Variants in ZNF484 observed in about 807,000 individuals in gnomAD.
ZNF484 encodes the protein zinc finger protein 484.
In ZNF484, 11 loss-of-function variants were observed where a neutral mutation model predicts 12.9. That is an observed-to-expected ratio of 0.85 (90% CI 0.54 to 1.41). The LOEUF is 1.41. Ranked by LOEUF, ZNF484 falls within the 40% of genes most tolerant of loss-of-function variation. ZNF484 has a pLI of 0.00. For synonymous variants in ZNF484, 289 were observed against 334.1 expected (o/e 0.86, Z 1.47); for missense variants, 807 against 1,007.7 (o/e 0.80, Z 2.70).
intron 4 of ZNF484, among the ~76,000 whole-genome samples, chr9:92,849,301 TGA>T (rs1321838878): frequency 4.0e-5 from 6 of 151,494 alleles, no homozygotes; most frequent in African/African-American, 1.5e-4. Context: ...CACAGAGATA[TGA>T]GAGAGACTAT....
At chr9:92,853,440 G>T (rs1037355052) in intron 4 of ZNF484, among the ~76,000 whole-genome samples, 6 of 152,134 alleles carry the variant, frequency 3.9e-5, no homozygotes, top group African/African-American at 1.4e-4. Flanking sequence ...AAACAGTATT[G>T]GTCTTTCCCC....
intron 1 of ZNF484, 26 bp from the exon 2 acceptor site, chr9:92,875,085 C>T: frequency 6.2e-7 from 1 of 1,610,662 alleles, no homozygotes; most frequent in Non-Finnish European, 8.5e-7. Context: ...GGTAGAGGTA[C>T]CCATGAGAGA....
chr9:92,864,607 G>A (rs1383911258), intron 2 of ZNF484, among the ~76,000 whole-genome samples: 1 of 152,154 alleles, frequency 6.6e-6, no homozygotes, highest in Admixed American at 6.5e-5. Flanking sequence ...AAACTGGGTT[G>A]CAATTACAGA....
chr9:92,860,646 AC>A (rs202013369), intron 2 of ZNF484, among the ~76,000 whole-genome samples: 25 of 151,024 alleles, frequency 1.7e-4, no homozygotes, highest in Admixed American at 6.6e-4. Context: ...ACAAAAAAAA[AC>A]CAGTATACTT....
intron 1 of ZNF484, among the ~76,000 whole-genome samples, chr9:92,876,987 T>C (rs537504003): frequency 3.9e-5 from 6 of 152,296 alleles, no homozygotes; most frequent in African/African-American, 1.4e-4. Context: ...TCTTGATAAA[T>C]TGTTAAAAGT....
rs1417775477 is a variant in ZNF484, at chr9:92,855,809, A to AT, written c.235+1_235+2insA. On this transcript the variant is annotated splice_donor_variant, in intron 4 of 4. Coordinates refer to ENST00000375495, the MANE Select transcript of ZNF484 (RefSeq NM_031486.4). LOFTEE classifies it high-confidence loss of function. ...CTACCATGCTCTTGGTTCCCTTCTC[A>AT]CCTGGACGGCTCTGACTGGGGATCT... The AT allele has an allele frequency of 1.2e-6, 2 of 1,613,772 alleles. No individual in the cohort carries two copies. The highest frequency in any genetic ancestry group is 4.5e-5 in the East Asian group (2 of 44,888).
rs751380393 is a variant in ZNF484 at position 92,846,600 on chromosome 9, G to A, written c.2187C>T (p.Phe729=). The change falls in exon 5 of 5, where the codon TTC becomes TTT. Residue 729 remains phenylalanine (F), a synonymous_variant. Coordinates refer to ENST00000375495, the MANE Select transcript of ZNF484 (RefSeq NM_031486.4). ...GTCTATTTAAGTGTGACTTCTGGAT[G>A]AAGGATTTCCCACATTCATTACAAA... is the stretch of plus-strand genomic sequence containing the variant. The part of the protein sequence containing the change: ...PYICNECGKS[F]IQKSHLNRHR... The A allele has an allele frequency of 6.2e-7, 1 of 1,613,850 alleles. No homozygotes were observed.
chr9:92,875,101 CT>C, intron 1 of ZNF484, 42 bp from the exon 2 acceptor site: 1 of 1,594,648 alleles, frequency 6.3e-7, no homozygotes, highest in Non-Finnish European at 8.6e-7. Flanking sequence ...AGAGAAGGAA[CT>C]GTGCCAATGT....
At chr9:92,871,703 C>G (rs1244027333) in intron 2 of ZNF484, among the ~76,000 whole-genome samples, 1 of 152,136 alleles carries the variant, frequency 6.6e-6, no homozygotes, top group Non-Finnish European at 1.5e-5. Flanking sequence ...CTACACATTA[C>G]CCACAGGAGA....
chr9:92,869,452 T>G (rs1018783206), intron 2 of ZNF484, among the ~76,000 whole-genome samples: 5 of 152,244 alleles, frequency 3.3e-5, no homozygotes, highest in Admixed American at 3.3e-4. Flanking sequence ...CTGGGCGCAG[T>G]GGCTCACGCC....
rs572705631 is a variant in ZNF484 at position 92,860,054 on chromosome 9, G to A, written c.16-3736C>T. 2.3e-3 allele frequency among the ~76,000 whole-genome samples: 351 copies of A among 152,304 alleles called. 1 individual carries two copies. Among genetic ancestry groups the A allele is most frequent in the Non-Finnish European group, 3.8e-3 (256 of 68,018 alleles). ...CATGTGGACATGAATGACTCCCACT[G>A]TGGCTGATCTTAGTCTCCAGCCCCT... On this transcript the variant is annotated intron_variant, in intron 2 of 4. Coordinates refer to ENST00000375495, the MANE Select transcript of ZNF484 (RefSeq NM_031486.4).
chr9:92,866,196 T>A (rs1054545154), intron 2 of ZNF484, among the ~76,000 whole-genome samples: 1 of 152,204 alleles, frequency 6.6e-6, no homozygotes, highest in Non-Finnish European at 1.5e-5. Context: ...TGTACTTATT[T>A]TCTTACTTTT....
Position 92,846,252 on chromosome 9 carries a change from G to A in ZNF484, c.2535C>T (p.Asp845=), listed in dbSNP as rs755090762. The A allele has an allele frequency of 8.1e-6, 13 of 1,613,230 alleles. No individual in the cohort carries two copies. The highest frequency in any genetic ancestry group is 1.0e-5 in the Non-Finnish European group (12 of 1,179,700). The stretch of plus-strand genomic sequence containing the variant: ...ACTAGATAGAAGAAAGTTGGCCTTG[G>A]TCACCTTCTGAGTCCCCACACCATA... ...PQLWCGDSEG[D]QGQLSSI is the part of the protein sequence containing the mutation. Residue 845 remains aspartate, a synonymous_variant, in exon 5 of 5, where the codon GAC becomes GAT. Coordinates refer to ENST00000375495, the MANE Select transcript of ZNF484 (RefSeq NM_031486.4).
rs113725787 is a variant in ZNF484 at position 92,871,767 on chromosome 9, G to A, written c.15+3248C>T. On this transcript the variant is annotated intron_variant, in intron 2 of 4. Transcript: ENST00000375495. Reference sequence around the variant, plus strand: ...CTAAGAACCATGGCTCCCCAAAGATGTTCACATCCTAATTCCCAGAAATTG... The same window carrying A: ...CTAAGAACCATGGCTCCCCAAAGATATTCACATCCTAATTCCCAGAAATTG... 2.1e-3 allele frequency among the ~76,000 whole-genome samples: 323 copies of A among 152,346 alleles called. 1 individual carries two copies. Among genetic ancestry groups the A allele is most frequent in the Middle Eastern group, 0.01 (3 of 294 alleles).
chr9:92,846,461 A>G lies in ZNF484; in HGVS notation c.2326T>C (p.Tyr776His). ...HHRIHTGEKPYICAECGKAFT... is the reference protein window; with the variant it reads ...HHRIHTGEKPHICAECGKAFT... ...GCCTTTCCACACTCAGCACATATAT[A>G]TGGTTTCTCTCCTGTGTGAATTCGA... Residue 776 changes from tyrosine to histidine, a missense_variant, in exon 5 of 5, where the codon TAT (tyrosine) becomes CAT (histidine). Physicochemically the swap from Tyr to His is moderately conservative, Grantham distance 83 (BLOSUM62 2). Coordinates refer to ENST00000375495, the MANE Select transcript of ZNF484 (RefSeq NM_031486.4). 6.2e-7 allele frequency: 1 copy of G among 1,614,094 alleles called. No homozygotes were observed. The highest frequency in any genetic ancestry group is 1.6e-4 in the Middle Eastern group (1 of 6,062).
At chr9:92,852,861 G>A (rs931253361) in intron 4 of ZNF484, among the ~76,000 whole-genome samples, 21 of 152,084 alleles carry the variant, frequency 1.4e-4, no homozygotes, top group African/African-American at 4.1e-4. Flanking sequence ...ATTTGAATAC[G>A]CAGATAGATA....
At chr9:92,858,762 GA>G (rs1367892296) in intron 2 of ZNF484, among the ~76,000 whole-genome samples, 1 of 151,724 alleles carries the variant, frequency 6.6e-6, no homozygotes, top group East Asian at 1.9e-4. Flanking sequence ...GTAAACAAAG[GA>G]AAAAATTAAA....
Position 92,846,805 on chromosome 9 carries a change from T to A in ZNF484, c.1982A>T (p.Glu661Val). The A allele has an allele frequency of 6.2e-7, 1 of 1,614,104 alleles. No homozygotes were observed. The change falls in exon 5 of 5, where the codon GAG (glutamate) becomes GTG (valine). Residue 661 changes from glutamate to valine, a missense_variant. Glu to Val is a moderately radical substitution (Grantham distance 121, BLOSUM62 -2). Coordinates refer to ENST00000375495, the MANE Select transcript of ZNF484 (RefSeq NM_031486.4). Reference sequence around the variant, plus strand: ...ACAGTCACTACATTTATAAGGTTTCTCTCCAGTGTGAATTTTCTGGTGTGT... The same window carrying A: ...ACAGTCACTACATTTATAAGGTTTCACTCCAGTGTGAATTTTCTGGTGTGT... Reference protein sequence around the residue: ...LFTHQKIHTGEKPYKCSDCGK... With the variant: ...LFTHQKIHTGVKPYKCSDCGK...
At chr9:92,852,182 T>G (rs1856131137) in intron 4 of ZNF484, among the ~76,000 whole-genome samples, 1 of 152,288 alleles carries the variant, frequency 6.6e-6, no homozygotes, top group Admixed American at 6.5e-5. Context: ...TGTAATTTAA[T>G]GTAGGTTTCT....
Sources: allele counts gnomAD v4.1 joint callset (sites outside exome capture counted in the v4.1 genomes callset), GRCh38; gene constraint gnomAD v4.1.1; transcripts MANE v1.5; gene names NCBI Gene and HGNC (gene_info 2026-07-23, HGNC 2026-07-21).